RASGRF1: variants seen among roughly 807,000 people sequenced by gnomAD.
RASGRF1 encodes Ras protein specific guanine nucleotide releasing factor 1, also known as ras-specific guanine nucleotide-releasing factor 1.
A neutral mutation model predicts 138.7 loss-of-function variants in RASGRF1; 40 were observed. That is an observed-to-expected ratio of 0.29 (90% CI 0.22 to 0.38). The LOEUF (loss-of-function observed/expected upper bound fraction) is 0.38. RASGRF1 is among the 10% of genes least tolerant of loss of function. The pLI is 1.00. For missense variants in RASGRF1, 1,108 were observed against 1,650.4 expected, an observed-to-expected ratio of 0.67 and a Z score of 5.69; for synonymous variants, 614 against 663.2, an observed-to-expected ratio of 0.93 and a Z score of 1.14.
intron 19 of RASGRF1, 25 bp downstream of exon 19, chr15:78,998,071 G>T: frequency 6.3e-7 from 1 of 1,590,598 alleles, no homozygotes; most frequent in Non-Finnish European, 8.6e-7. Flanking sequence ...GCAGTTCTGA[G>T]CCAGGAACCA....
rs74812268 is a variant in RASGRF1, at chr15:78,982,886, G to GT, written c.3414+2120dup. Among the ~76,000 whole-genome samples, 311 of 149,966 alleles carry GT rather than the reference G, an allele frequency of 2.1e-3. 3 individuals are homozygous for GT. Among genetic ancestry groups the GT allele is most frequent in the African/African-American group, 6.7e-3 (275 of 40,938 alleles). On this transcript the variant is annotated intron_variant, in intron 23 of 26. Coordinates refer to ENST00000558480, the MANE Select transcript of RASGRF1 (RefSeq NM_001145648.3). The stretch of plus-strand genomic sequence containing the variant: ...GTATCATCATCAGATCGTCTCTTGG[G>GT]TTTTTTTTTTCCCCAAAGAGGATGG...
At chr15:78,998,846 G>A in intron 17 of RASGRF1, 21 bp from the exon 18 acceptor site, 2 of 1,573,514 alleles carry the variant, frequency 1.3e-6, no homozygotes, top group Non-Finnish European at 1.7e-6. Flanking sequence ...GCGTGGCAGA[G>A]GGGAGAGAGG....
chr15:79,079,656 A>G (rs912823403), intron 1 of RASGRF1, among the ~76,000 whole-genome samples: 2 of 152,252 alleles, frequency 1.3e-5, no homozygotes, highest in African/African-American at 4.8e-5. Flanking sequence ...GTATATATAT[A>G]TAATCCCTCT....
chr15:79,089,488 C>T (rs1286552930), intron 1 of RASGRF1, among the ~76,000 whole-genome samples: 1 of 152,248 alleles, frequency 6.6e-6, no homozygotes, highest in Non-Finnish European at 1.5e-5. Context: ...GCGACTGCGG[C>T]GGCGGCGGCG....
chr15:78,962,270 GT>G (rs1475875489), intron 26 of RASGRF1, 34 bp from the exon 27 acceptor site: 1 of 1,370,934 alleles, frequency 7.3e-7, no homozygotes, highest in African/African-American at 1.4e-5. Context: ...GAATGGGAGG[GT>G]TGTGGGACCT....
chr15:79,059,991 G>GACACACACACACAC (rs941037876), intron 2 of RASGRF1, among the ~76,000 whole-genome samples: 11 of 31,534 alleles, frequency 3.5e-4, no homozygotes, highest in African/African-American at 1.6e-3. Context: ...CAGACACACA[G>GACACACACACACAC]ACACACACAC....
At chr15:79,066,787 A>G (rs1385024368) in intron 1 of RASGRF1, among the ~76,000 whole-genome samples, 2 of 152,208 alleles carry the variant, frequency 1.3e-5, no homozygotes, top group African/African-American at 4.8e-5. Flanking sequence ...GAACCCAGTC[A>G]TCAGAGACCT....
At chr15:78,962,412 C>T (rs894484089) in intron 26 of RASGRF1, among the ~76,000 whole-genome samples, 176 bp from the exon 27 acceptor site, 2 of 151,980 alleles carry the variant, frequency 1.3e-5, no homozygotes, top group African/African-American at 2.4e-5. Context: ...AAGCAGTCGA[C>T]GTAAGTATTG....
In RASGRF1 at chr15:79,073,373, G is replaced by C. The variant is rs1052622398; in HGVS notation, c.277-8847C>G. On this transcript the variant is annotated intron_variant, in intron 1 of 26. Transcript: ENST00000558480. The surrounding 1 kb of genome is among the most constrained non-coding windows in gnomAD (Gnocchi z 4.2). Reference sequence around the variant, plus strand: ...CTTAACTGGACTGGAGCCAGGTAGAGCAAGGGCTCCCCAAACTGCCCCAAC... The same window carrying C: ...CTTAACTGGACTGGAGCCAGGTAGACCAAGGGCTCCCCAAACTGCCCCAAC... Among the ~76,000 whole-genome samples, 1 of 152,192 alleles carries C rather than the reference G, an allele frequency of 6.6e-6. No homozygotes were observed. The highest frequency in any genetic ancestry group is 2.4e-5 in the African/African-American group (1 of 41,446).
chr15:79,012,436 A>C (rs2056814190), intron 13 of RASGRF1: 7 of 1,258,412 alleles, frequency 5.6e-6, no homozygotes, highest in Admixed American at 1.8e-5. Context: ...TAATCTCTCT[A>C]TGTCTCTCTC....
At chr15:79,088,112 A>T (rs182981398) in intron 1 of RASGRF1, among the ~76,000 whole-genome samples, 3 of 152,244 alleles carry the variant, frequency 2.0e-5, no homozygotes, top group African/African-American at 7.2e-5. Context: ...GTAGGGTCTC[A>T]TTTTCAGGAA....
chr15:79,003,302 T>C (rs1017427035), intron 15 of RASGRF1, among the ~76,000 whole-genome samples: 4 of 152,182 alleles, frequency 2.6e-5, no homozygotes, highest in African/African-American at 9.7e-5. Flanking sequence ...CACCCCAACC[T>C]CTGTGCCCCT....
chr15:79,041,293 T>C (rs1022162610), intron 5 of RASGRF1, among the ~76,000 whole-genome samples: 3 of 152,230 alleles, frequency 2.0e-5, no homozygotes, highest in Non-Finnish European at 4.4e-5. Context: ...TCTGGCTCTT[T>C]ACAGAATAAA....
rs1484072585 is a variant in RASGRF1, at chr15:78,990,307, G to A, written c.3132-34C>T. The A allele has an allele frequency of 5.6e-6, 8 of 1,437,080 alleles. No individual in the cohort carries two copies. In the South Asian group the frequency reaches 9.2e-5, roughly 16 times the overall value. The allele number at this position is 1,437,080 out of a possible 1,614,324, so 89.0% of individuals were successfully genotyped here. A position where few individuals can be genotyped will look rare whatever the true frequency, so the allele number is the denominator to read the frequency against. ...AGTAAGGGGAGACCCAGGTGGAGGG[G>A]GTGAGGTTTGCCTTGCTGATTTCAT... On this transcript the variant is annotated intron_variant, in intron 21 of 26. Coordinates refer to ENST00000558480, the MANE Select transcript of RASGRF1 (RefSeq NM_001145648.3).
chr15:79,067,450 C>A (rs1390681596), intron 1 of RASGRF1, among the ~76,000 whole-genome samples: 1 of 152,200 alleles, frequency 6.6e-6, no homozygotes, highest in African/African-American at 2.4e-5. Flanking sequence ...ATTCATTTGT[C>A]CAAGGTCACT....
chr15:79,088,818 G>A (rs2058015740), intron 1 of RASGRF1, among the ~76,000 whole-genome samples: 1 of 152,214 alleles, frequency 6.6e-6, no homozygotes, highest in African/African-American at 2.4e-5. Context: ...TTGAGCTGAA[G>A]CTTAAGGAGC....
intron 16 of RASGRF1, among the ~76,000 whole-genome samples, chr15:79,000,822 C>G (rs1009746253): frequency 6.6e-6 from 1 of 152,230 alleles, no homozygotes; most frequent in South Asian, 2.1e-4. Context: ...TGTGGCAGGG[C>G]TGCAGTATGT....
At chr15:79,039,673 A>G (rs1412577478) in intron 5 of RASGRF1, among the ~76,000 whole-genome samples, 1 of 152,216 alleles carries the variant, frequency 6.6e-6, no homozygotes, top group East Asian at 1.9e-4. Context: ...GCGTCATCAC[A>G]TAGGTCCTGT....
At chr15:79,049,470 A>T in intron 4 of RASGRF1, 26 bp downstream of exon 4, 1 of 1,608,006 alleles carries the variant, frequency 6.2e-7, no homozygotes, top group Non-Finnish European at 8.5e-7. Flanking sequence ...GCTCCAAAGA[A>T]GGCCACCCAG....
Sources: gnomAD v4.1 joint callset for allele counts (sites outside exome capture counted in the v4.1 genomes callset) on GRCh38, gnomAD v4.1.1 for gene constraint, Gnocchi (gnomAD v3.1) non-coding constraint, MANE v1.5 for transcripts, NCBI Gene and HGNC (gene_info 2026-07-23, HGNC 2026-07-21) for gene names.